The following KATNAL2 variants were observed in gnomAD, a reference collection of about 807,000 sequenced individuals.
KATNAL2 encodes katanin catalytic subunit A1 like 2, also known as katanin p60 ATPase-containing subunit A-like 2.
A neutral mutation model predicts 76.3 loss-of-function variants in KATNAL2; 52 were observed. The observed-to-expected ratio is 0.68, with a 90% CI of 0.55 to 0.86. The LOEUF is 0.86. Ranked by LOEUF, KATNAL2 falls within the 40% of genes least tolerant of loss-of-function variation. The probability of loss-of-function intolerance (pLI) is 0.00; values close to 1 mark genes in which losing one functional copy is unlikely to be tolerated. For missense variants in KATNAL2, 660 were observed against 668.9 expected (o/e 0.99, Z 0.15); for synonymous variants, 243 against 244.2 (o/e 1.00, Z 0.05).
At chr18:47,074,473 G>GT (rs1280822480) in intron 13 of KATNAL2, among the ~76,000 whole-genome samples, 1 of 150,660 alleles carries the variant, frequency 6.6e-6, no homozygotes, top group Non-Finnish European at 1.5e-5. Context: ...AATCTCCACT[G>GT]TTTTTTCCCA....
At chr18:46,946,825 G>GT (rs2059394125) in intron 2 of KATNAL2, 29 bp from the exon 3 acceptor site, 1 of 1,526,438 alleles carries the variant, frequency 6.6e-7, no homozygotes, top group Non-Finnish European at 8.8e-7. Flanking sequence ...GGTCAGCCCA[G>GT]TAACTGACTA....
At chr18:46,925,872 A>G (rs540714199) in intron 1 of KATNAL2, among the ~76,000 whole-genome samples, 2 of 152,260 alleles carry the variant, frequency 1.3e-5, no homozygotes, top group East Asian at 3.9e-4. Context: ...TTATTTGCGT[A>G]GAGGTGTTTA....
chr18:47,100,185 G>C, intron 16 of KATNAL2, 69 bp from the exon 17 acceptor site: 1 of 1,068,090 alleles, frequency 9.4e-7, no homozygotes, highest in Non-Finnish European at 1.5e-6. Context: ...ACTGGGTCCT[G>C]CCTATAACAA....
intron 3 of KATNAL2, among the ~76,000 whole-genome samples, chr18:46,952,137 G>T (rs1040756435): frequency 6.6e-6 from 1 of 152,028 alleles, no homozygotes; most frequent in African/African-American, 2.4e-5. Flanking sequence ...GCATTGGCAT[G>T]ATTTAGCTCA....
At chr18:47,058,575 C>T (rs939529925) in intron 7 of KATNAL2, among the ~76,000 whole-genome samples, 2 of 151,910 alleles carry the variant, frequency 1.3e-5, no homozygotes, top group Middle Eastern at 3.4e-3. Flanking sequence ...TTTTTCTCCT[C>T]CAAGTTTTTC....
At position 47,046,476 on chromosome 18, in the gene KATNAL2, C is replaced by T. The variant is rs2061160656; in HGVS notation, c.71C>T (p.Ala24Val). ...TTCCAGTGCGAGATGAGGACAGAAGCACGACGAAAAAATCTTCTCATTTTG... is the reference window on the plus strand; with the variant it reads ...TTCCAGTGCGAGATGAGGACAGAAGTACGACGAAAAAATCTTCTCATTTTG... ...AREACEMRTEARRKNLLILIS... is the reference protein window; with the variant it reads ...AREACEMRTEVRRKNLLILIS... The change falls in exon 4 of 18, where the codon GCA (alanine) becomes GTA (valine). Residue 24 changes from alanine (A) to valine (V), a missense_variant. By Grantham distance (64) the Ala-to-Val change is moderately conservative (BLOSUM62 0). Coordinates refer to ENST00000683218, the MANE Select transcript of KATNAL2 (RefSeq NM_001387690.1). The T allele has an allele frequency of 1.3e-6, 2 of 1,535,880 alleles. No homozygotes were observed.
chr18:46,935,397 G>A (rs567832216), intron 1 of KATNAL2, among the ~76,000 whole-genome samples: 1 of 152,078 alleles, frequency 6.6e-6, no homozygotes, highest in Non-Finnish European at 1.5e-5. Flanking sequence ...TGACAAAGTG[G>A]CCCAGCCAGC....
chr18:47,082,740 G>A (rs1024824978), intron 15 of KATNAL2, among the ~76,000 whole-genome samples: 8 of 152,168 alleles, frequency 5.3e-5, no homozygotes, highest in African/African-American at 1.7e-4. Flanking sequence ...GCTGCCGTGA[G>A]CAGCAGTGTG....
intron 1 of KATNAL2, among the ~76,000 whole-genome samples, chr18:46,927,686 A>G (rs1451812634): frequency 1.3e-5 from 2 of 152,134 alleles, no homozygotes; most frequent in Non-Finnish European, 2.9e-5. Flanking sequence ...GTGTTTTCCA[A>G]CTTGGTTCCA....
At chr18:47,041,840 A>G (rs764219200) in intron 3 of KATNAL2, among the ~76,000 whole-genome samples, 1 of 152,240 alleles carries the variant, frequency 6.6e-6, no homozygotes, top group Non-Finnish European at 1.5e-5. Context: ...ACCAGCAATC[A>G]GTGAGTTTCT....
intron 1 of KATNAL2, among the ~76,000 whole-genome samples, chr18:46,935,366 T>C (rs2059056606): frequency 1.3e-5 from 2 of 152,144 alleles, no homozygotes; most frequent in African/African-American, 2.4e-5. Context: ...CTCTGCAGCC[T>C]TGTTTTCCTG....
chr18:47,094,053 T>C (rs1049593374), intron 15 of KATNAL2, among the ~76,000 whole-genome samples: 4 of 152,180 alleles, frequency 2.6e-5, no homozygotes, highest in African/African-American at 9.7e-5. Context: ...ATGGGAAGTG[T>C]TTAGGTCACC....
intron 1 of KATNAL2, among the ~76,000 whole-genome samples, chr18:46,930,799 TC>T (rs1196526718): frequency 6.8e-6 from 1 of 147,552 alleles, no homozygotes; most frequent in East Asian, 2.0e-4. Flanking sequence ...AGAGTGAGAC[TC>T]CATGTTAAAA....
In KATNAL2 at chr18:47,033,025, T is replaced by A. The variant is rs776618669; in HGVS notation, c.52-13432T>A. ...AGTTTATCGTCGGGAGAATCTTCTCTTGTAGTCTCGAATTGCCTTGGCCAT... is the reference window on the plus strand; with the variant it reads ...AGTTTATCGTCGGGAGAATCTTCTCATGTAGTCTCGAATTGCCTTGGCCAT... On this transcript the variant is annotated intron_variant, in intron 3 of 17. Coordinates refer to ENST00000683218, the MANE Select transcript of KATNAL2 (RefSeq NM_001387690.1). 1.2e-6 allele frequency: 2 copies of A among 1,614,160 alleles called. No homozygotes were observed. Among genetic ancestry groups the A allele is most frequent in the Admixed American group, 3.3e-5 (2 of 60,032 alleles).
At chr18:47,059,437 A>T in intron 7 of KATNAL2, 119 bp from the exon 8 acceptor site, 1 of 718,666 alleles carries the variant, frequency 1.4e-6, no homozygotes, top group Non-Finnish European at 2.5e-6. Flanking sequence ...CTACATGTGC[A>T]TGTCGCGTTC....
At chr18:46,948,455 G>A (rs1167901729) in intron 3 of KATNAL2, among the ~76,000 whole-genome samples, 2 of 129,054 alleles carry the variant, frequency 1.5e-5, no homozygotes, top group Admixed American at 8.3e-5. Context: ...TCGGAGTTTT[G>A]CTCTTGTTGC....
chr18:47,046,534 T>C lies in KATNAL2; in HGVS notation c.122+7T>C, dbSNP rs1569075632. 1.3e-5 allele frequency: 19 copies of C among 1,519,456 alleles called. 1 individual carries two copies. The highest frequency in any genetic ancestry group is 1.7e-5 in the Non-Finnish European group (19 of 1,131,724). The allele number at this position is 1,519,456 out of a possible 1,614,324, so 94.1% of individuals were successfully genotyped here. On this transcript the variant is annotated splice_region_variant and intron_variant, in intron 4 of 17. Transcript: ENST00000683218. ...ATTATTTAACACAAGAAGGGTATGT[T>C]ACAGTACAAACATTTATAGAGATGA...
In KATNAL2 at chr18:47,100,289, C is replaced by G; in HGVS notation, c.1410C>G (p.Leu470=). The G allele has an allele frequency of 3.1e-6, 5 of 1,614,026 alleles. No individual in the cohort carries two copies. The highest frequency in any genetic ancestry group is 4.2e-6 in the Non-Finnish European group (5 of 1,179,970). The change falls in exon 17 of 18, where the codon CTC becomes CTG. Residue 470 remains leucine (L), a synonymous_variant. Transcript: ENST00000683218. ...TEGYSGSDIK[L]VCREAAMRPV... ...GCTACTCAGGCTCAGATATTAAGCT[C>G]GTCTGCAGGGAAGCAGCCATGCGGC...
intron 15 of KATNAL2, among the ~76,000 whole-genome samples, chr18:47,083,626 GAAGA>G (rs1453256277): frequency 4.6e-5 from 7 of 152,208 alleles, no homozygotes; most frequent in African/African-American, 1.7e-4. Flanking sequence ...GAGAGGACCA[GAAGA>G]AAGAACAGCT....
Sources: allele counts gnomAD v4.1 joint callset (sites outside exome capture counted in the v4.1 genomes callset), GRCh38; gene constraint gnomAD v4.1.1; transcripts MANE v1.5; gene names NCBI Gene and HGNC (gene_info 2026-07-23, HGNC 2026-07-21).